Variants in CEP83 observed in about 807,000 individuals in gnomAD.
CEP83 encodes the protein centrosomal protein of 83 kDa.
In CEP83, 70 loss-of-function variants were observed where a neutral mutation model predicts 101.9. The ratio of observed to expected loss-of-function variants is 0.69; its 90% confidence interval spans 0.57 to 0.84. The LOEUF is 0.84. Ranked by LOEUF, CEP83 falls within the 40% of genes least tolerant of loss-of-function variation. The pLI, the probability that CEP83 is intolerant of heterozygous loss-of-function variation, is 0.00. For synonymous variants in CEP83, 264 were observed against 267.9 expected, an observed-to-expected ratio of 0.99 and a Z score of 0.14; for missense variants, 715 against 787.2, an observed-to-expected ratio of 0.91 and a Z score of 1.10.
At chr12:94,349,578 T>C (rs2060108245) in intron 11 of CEP83, among the ~76,000 whole-genome samples, 3 of 152,290 alleles carry the variant, frequency 2.0e-5, no homozygotes, top group South Asian at 4.2e-4. Flanking sequence ...CACCCTTTCA[T>C]GATAAAACAA....
the CEP83 span, among the ~76,000 whole-genome samples, chr12:94,269,965 C>G: frequency 2.6e-3 from 402 of 152,318 alleles, 3 homozygotes; most frequent in African/African-American, 9.1e-3. Flanking sequence ...TCTTCATACA[C>G]TTTCTTCTCA....
chr12:94,420,391 T>C (rs995462992), intron 2 of CEP83, among the ~76,000 whole-genome samples: 1 of 151,542 alleles, frequency 6.6e-6, no homozygotes, highest in East Asian at 1.9e-4. Context: ...CCAATGACCA[T>C]CAACAGTTGA....
At chr12:94,267,151 A>G in the CEP83 span, among the ~76,000 whole-genome samples, 1 of 152,214 alleles carries the variant, frequency 6.6e-6, no homozygotes, top group Non-Finnish European at 1.5e-5. Flanking sequence ...AAAGGTCTCC[A>G]AAGAGAAATA....
the CEP83 span, among the ~76,000 whole-genome samples, chr12:94,284,584 A>G: frequency 6.6e-6 from 1 of 152,018 alleles, no homozygotes; most frequent in African/African-American, 2.4e-5. Flanking sequence ...ATTCTATCCT[A>G]TAGCAGTCCT....
intron 6 of CEP83, among the ~76,000 whole-genome samples, chr12:94,384,586 T>G (rs2062029361): frequency 6.6e-6 from 1 of 152,148 alleles, no homozygotes; most frequent in Non-Finnish European, 1.5e-5. Flanking sequence ...ATTTGCTTTT[T>G]AAATCTATTT....
chr12:94,369,846 T>A, intron 9 of CEP83, 76 bp downstream of exon 9: 1 of 783,156 alleles, frequency 1.3e-6, no homozygotes, highest in East Asian at 2.5e-5. Flanking sequence ...AAAATTCAGA[T>A]TCAACTATTT....
chr12:94,272,818 C>T, the CEP83 span, among the ~76,000 whole-genome samples: 2 of 152,194 alleles, frequency 1.3e-5, no homozygotes, highest in Non-Finnish European at 2.9e-5. Flanking sequence ...ACAGGGTGCT[C>T]CAGATTCAGT....
the CEP83 span, chr12:94,282,318 C>A: frequency 6.8e-6 from 11 of 1,613,570 alleles, 1 homozygote; most frequent in Admixed American, 1.0e-4. Flanking sequence ...GGGCACACGA[C>A]AGAAAGAACT....
At chr12:94,397,390 C>A (rs550966781) in intron 6 of CEP83, among the ~76,000 whole-genome samples, 1 of 152,050 alleles carries the variant, frequency 6.6e-6, no homozygotes, top group Non-Finnish European at 1.5e-5. Flanking sequence ...CCCAGCTACT[C>A]GGGAAACTGA....
intron 11 of CEP83, among the ~76,000 whole-genome samples, chr12:94,338,792 C>T (rs1442572499): frequency 2.0e-5 from 3 of 151,926 alleles, no homozygotes; most frequent in Non-Finnish European, 4.4e-5. Flanking sequence ...ACTGGAGGGC[C>T]AAGTTACAAC....
intron 11 of CEP83, among the ~76,000 whole-genome samples, chr12:94,356,015 G>A (rs964780735): frequency 1.3e-5 from 2 of 152,168 alleles, no homozygotes; most frequent in African/African-American, 4.8e-5. Context: ...CTGCGTGTGT[G>A]TCTTTAATTC....
intron 1 of CEP83, among the ~76,000 whole-genome samples, chr12:94,443,646 C>T (rs555393423): frequency 5.7e-4 from 86 of 152,092 alleles, no homozygotes; most frequent in African/African-American, 1.9e-3. Flanking sequence ...GCATGCACCA[C>T]GCCCGGCTAT....
chr12:94,339,419 A>G (rs940615156), intron 11 of CEP83, among the ~76,000 whole-genome samples: 1 of 150,454 alleles, frequency 6.6e-6, no homozygotes. Flanking sequence ...TTCCAATATG[A>G]TAGTCACTAG....
At chr12:94,338,064 T>C (rs2059525976) in intron 11 of CEP83, among the ~76,000 whole-genome samples, 1 of 152,114 alleles carries the variant, frequency 6.6e-6, no homozygotes, top group African/African-American at 2.4e-5. Flanking sequence ...GGAGCATGGA[T>C]AAGAGAAAGA....
At chr12:94,268,343 CCT>C in the CEP83 span, among the ~76,000 whole-genome samples, 7 of 152,090 alleles carry the variant, frequency 4.6e-5, no homozygotes, top group East Asian at 7.7e-4. Flanking sequence ...GAAGAAAATT[CCT>C]CTGTCTTGCC....
intron 11 of CEP83, among the ~76,000 whole-genome samples, chr12:94,345,406 A>T (rs1449392515): frequency 6.6e-6 from 1 of 152,160 alleles, no homozygotes; most frequent in East Asian, 1.9e-4. Flanking sequence ...TTACCGTATT[A>T]GGCCCTTTGT....
chr12:94,268,508 G>A, the CEP83 span, among the ~76,000 whole-genome samples: 2 of 151,126 alleles, frequency 1.3e-5, no homozygotes, highest in Non-Finnish European at 2.9e-5. Context: ...AGCACCAGGG[G>A]TAGGGCTGTG....
Position 94,403,335 on chromosome 12 carries a change from C to T in CEP83, c.325-73G>A, listed in dbSNP as rs558803276. ...GAATTCTCCATATTTCAAAGCCTCT[C>T]TCCTAATTATGACAATGGAATTCAT... On this transcript the variant is annotated intron_variant, in intron 4 of 16. Transcript: ENST00000397809. The T allele has an allele frequency of 1.9e-4, 135 of 711,602 alleles. No individual in the cohort carries two copies. In the South Asian group the frequency reaches 2.3e-3, roughly 12 times the overall value. 44.1% of individuals were successfully genotyped at this position (711,602 alleles called of 1,614,324 possible). A position where few individuals can be genotyped will look rare whatever the true frequency, so the allele number is the denominator to read the frequency against.
intron 11 of CEP83, among the ~76,000 whole-genome samples, chr12:94,337,197 AC>A (rs947296704): frequency 1.3e-5 from 2 of 152,220 alleles, no homozygotes; most frequent in African/African-American, 2.4e-5. Flanking sequence ...ATAGTGCCCT[AC>A]ATACAAAAGC....
Sources: gnomAD v4.1 joint callset for allele counts (sites outside exome capture counted in the v4.1 genomes callset) on GRCh38, gnomAD v4.1.1 for gene constraint, MANE v1.5 for transcripts, NCBI Gene and HGNC (gene_info 2026-07-23, HGNC 2026-07-21) for gene names.